The following NRG2 variants were observed in gnomAD, a reference collection of about 807,000 sequenced individuals.
NRG2 encodes the protein neuregulin 2.
In NRG2, 27 loss-of-function variants were observed where a neutral mutation model predicts 73.9. That is an observed-to-expected ratio of 0.37 (90% confidence interval 0.27 to 0.50). The LOEUF (loss-of-function observed/expected upper bound fraction) is 0.50, where lower values mean the gene tolerates loss of function less well. Among genes scored for constraint, NRG2 ranks in the 20% least tolerant of loss-of-function variants. The pLI is 0.96. For missense variants in NRG2, 1,126 were observed against 1,210.1 expected (o/e 0.93, Z 1.03); for synonymous variants, 532 against 541.0 (o/e 0.98, Z 0.23).
chr5:139,951,458 G>T (rs1281159664), intron 1 of NRG2, among the ~76,000 whole-genome samples: 1 of 152,192 alleles, frequency 6.6e-6, no homozygotes, highest in Non-Finnish European at 1.5e-5. Context: ...CCTCTCTGGG[G>T]TGCCACATGC....
At chr5:140,028,532 A>C (rs184243727) in intron 1 of NRG2, among the ~76,000 whole-genome samples, 8 of 152,258 alleles carry the variant, frequency 5.3e-5, no homozygotes, top group Admixed American at 3.3e-4. Context: ...AACTGCATTG[A>C]GGAGTCTCAA....
At chr5:140,015,030 T>C (rs1218302813) in intron 1 of NRG2, among the ~76,000 whole-genome samples, 1 of 152,150 alleles carries the variant, frequency 6.6e-6, no homozygotes, top group Non-Finnish European at 1.5e-5. Flanking sequence ...CCATGATATC[T>C]ACCTGCCTAG....
rs115739292 is a variant in NRG2, at chr5:139,956,096, A to C, written c.701-68585T>G. Among the ~76,000 whole-genome samples the C allele has an allele frequency of 8.1e-4, 124 of 152,286 alleles. 1 individual carries two copies. Among genetic ancestry groups the C allele is most frequent in the African/African-American group, 2.9e-3 (121 of 41,558 alleles). On this transcript the variant is annotated intron_variant, in intron 1 of 9. Coordinates refer to ENST00000361474, the MANE Select transcript of NRG2 (RefSeq NM_004883.3). ...CTCTGGAGGCTGGTGAAGGAAGCTC[A>C]AACCAAGAAAGAAAATAAACAAATG...
In NRG2 at chr5:139,851,819, G is replaced by A. The variant is rs757071857; in HGVS notation, c.1557C>T (p.His519=). ...TCTCAGAACGTTCCAGGCTCCACGT[G>A]TGGCTCTCGTGTCTGGGAAGGCCAG... ...TPTSSHRHES[H]TWSLERSESL... is the part of the protein sequence containing the mutation. The change falls in exon 9 of 10, where the codon CAC becomes CAT. Residue 519 remains histidine, a synonymous_variant. Transcript: ENST00000361474. This position sits in a 1 kb window ranked among gnomAD's most constrained non-coding sequence, Gnocchi z 4.2. The A allele has an allele frequency of 6.2e-7, 1 of 1,614,146 alleles. No homozygotes were observed. Among genetic ancestry groups the A allele is most frequent in the South Asian group, 1.1e-5 (1 of 91,070 alleles).
chr5:139,921,970 C>T (rs1022191853), intron 1 of NRG2, among the ~76,000 whole-genome samples: 2 of 147,624 alleles, frequency 1.4e-5, no homozygotes, highest in African/African-American at 5.0e-5. Context: ...ACTCAGGAGA[C>T]AGAGATGGGA....
At chr5:139,969,319 G>A (rs1349091220) in intron 1 of NRG2, among the ~76,000 whole-genome samples, 1 of 152,234 alleles carries the variant, frequency 6.6e-6, no homozygotes, top group Non-Finnish European at 1.5e-5. Context: ...AATATCTATA[G>A]GGCTGTTATC....
chr5:140,036,079 G>A (rs1761484900), intron 1 of NRG2, among the ~76,000 whole-genome samples: 1 of 152,186 alleles, frequency 6.6e-6, no homozygotes, highest in African/African-American at 2.4e-5. Context: ...ATAGAGCAGA[G>A]CTGACAGGCT....
At chr5:140,026,536 A>C (rs1760701771) in intron 1 of NRG2, among the ~76,000 whole-genome samples, 1 of 152,120 alleles carries the variant, frequency 6.6e-6, no homozygotes, top group Non-Finnish European at 1.5e-5. Flanking sequence ...ACGAGGTCCA[A>C]GCTGTAGTAT....
intron 1 of NRG2, among the ~76,000 whole-genome samples, chr5:139,951,441 C>G (rs1324791872): frequency 6.6e-6 from 1 of 152,212 alleles, no homozygotes; most frequent in Non-Finnish European, 1.5e-5. Context: ...CTGCTCACCC[C>G]CTGCTGCCTC....
chr5:139,873,064 C>G (rs1428607498), intron 3 of NRG2, among the ~76,000 whole-genome samples: 1 of 152,108 alleles, frequency 6.6e-6, no homozygotes, highest in East Asian at 1.9e-4. Context: ...GGCAGGCAGT[C>G]GGCACCCTCA....
At position 139,887,644 on chromosome 5, in the gene NRG2, C is replaced by A; in HGVS notation, c.701-133G>T. On this transcript the variant is annotated intron_variant, in intron 1 of 9. Transcript: ENST00000361474. The surrounding 1 kb of genome is among the most constrained non-coding windows in gnomAD (Gnocchi z 4.5). ...AAGGGTGATCCTGAGAGCCACCCCTCCTAGTGTCATTTCCTAGTTCAATTC... is the reference window on the plus strand; with the variant it reads ...AAGGGTGATCCTGAGAGCCACCCCTACTAGTGTCATTTCCTAGTTCAATTC... 1 of 691,204 alleles carries A rather than the reference C, an allele frequency of 1.4e-6. No individual in the cohort carries two copies. 42.8% of individuals were successfully genotyped at this position (691,204 alleles called of 1,614,324 possible).
intron 1 of NRG2, among the ~76,000 whole-genome samples, chr5:139,947,918 C>A (rs1177391691): frequency 6.6e-6 from 1 of 152,140 alleles, no homozygotes; most frequent in Non-Finnish European, 1.5e-5. Context: ...GTAAAATGCA[C>A]ATAATGTAAA....
At chr5:140,024,455 C>T (rs1760509972) in intron 1 of NRG2, among the ~76,000 whole-genome samples, 1 of 152,274 alleles carries the variant, frequency 6.6e-6, no homozygotes, top group African/African-American at 2.4e-5. Context: ...CGGGGTTTCA[C>T]TGTGTTAGCC....
intron 1 of NRG2, among the ~76,000 whole-genome samples, chr5:140,034,153 G>A (rs1054938475): frequency 6.6e-6 from 1 of 152,082 alleles, no homozygotes; most frequent in Non-Finnish European, 1.5e-5. Flanking sequence ...ATACAGATAG[G>A]ATTTAACCAT....
Position 139,894,977 on chromosome 5 carries a change from C to T in NRG2, c.701-7466G>A, listed in dbSNP as rs1764460004. ...TGGGATGAGAACTAAAGAGGGGAGGCAGAAGCTGCACCAGGAGGGCAGATA... is the reference window on the plus strand; with the variant it reads ...TGGGATGAGAACTAAAGAGGGGAGGTAGAAGCTGCACCAGGAGGGCAGATA... On this transcript the variant is annotated intron_variant, in intron 1 of 9. Coordinates refer to ENST00000361474, the MANE Select transcript of NRG2 (RefSeq NM_004883.3). This position sits in a 1 kb window ranked among gnomAD's most constrained non-coding sequence, Gnocchi z 5.0. Among the ~76,000 whole-genome samples, 1 of 152,246 alleles carries T rather than the reference C, an allele frequency of 6.6e-6. No individual in the cohort carries two copies. The highest frequency in any genetic ancestry group is 2.1e-4 in the South Asian group (1 of 4,826).
intron 1 of NRG2, among the ~76,000 whole-genome samples, chr5:139,957,867 T>C (rs556427883): frequency 2.0e-5 from 3 of 152,262 alleles, no homozygotes; most frequent in South Asian, 4.2e-4. Context: ...TCTGAGGATG[T>C]GGTCTGATAA....
At chr5:139,922,849 C>A (rs1021547386) in intron 1 of NRG2, among the ~76,000 whole-genome samples, 2 of 152,090 alleles carry the variant, frequency 1.3e-5, no homozygotes, top group African/African-American at 4.8e-5. Flanking sequence ...GGAAGCCAAT[C>A]GGAAAAGGCT....
chr5:140,034,781 C>T lies in NRG2; in HGVS notation c.700+7589G>A, dbSNP rs542749176. Among the ~76,000 whole-genome samples the T allele has an allele frequency of 4.5e-4, 68 of 152,220 alleles. 2 individuals are homozygous for T. In the South Asian group the frequency reaches 0.011, roughly 26 times the overall value. ...TAGAATACCATAGCAAAAAAAACCA[C>T]GAAACTTCCAGCTAAATTTAACGAA... On this transcript the variant is annotated intron_variant, in intron 1 of 9. Coordinates refer to ENST00000361474, the MANE Select transcript of NRG2 (RefSeq NM_004883.3).
chr5:140,009,846 C>T (rs1759212536), intron 1 of NRG2, among the ~76,000 whole-genome samples: 2 of 152,124 alleles, frequency 1.3e-5, no homozygotes, highest in South Asian at 2.1e-4. Context: ...AAATGAAGGA[C>T]GCCAATCGGA....
Sources: allele counts gnomAD v4.1 joint callset (sites outside exome capture counted in the v4.1 genomes callset), GRCh38; gene constraint gnomAD v4.1.1; non-coding constraint Gnocchi (gnomAD v3.1); transcripts MANE v1.5; gene names NCBI Gene and HGNC (gene_info 2026-07-23, HGNC 2026-07-21).